GRIP1: variants seen among roughly 807,000 people sequenced by gnomAD.
The protein encoded by GRIP1 is glutamate receptor-interacting protein 1.
Under a neutral mutation model 129.9 loss-of-function variants are expected in GRIP1, and 45 were observed. That is an observed-to-expected ratio of 0.35 (90% CI 0.27 to 0.44). The LOEUF (loss-of-function observed/expected upper bound fraction) is 0.44. Among genes scored for constraint, GRIP1 ranks in the 20% least tolerant of loss-of-function variants. The pLI is 1.00. For synonymous variants in GRIP1, 530 were observed against 520.8 expected, an observed-to-expected ratio of 1.02 and a Z score of -0.24; for missense variants, 1,196 against 1,396.8, an observed-to-expected ratio of 0.86 and a Z score of 2.29.
chr12:66,355,391 T>A (rs1246181758), intron 23 of GRIP1, among the ~76,000 whole-genome samples: 1 of 152,178 alleles, frequency 6.6e-6, no homozygotes, highest in Non-Finnish European at 1.5e-5. Context: ...CTTATAACGA[T>A]TCCGTAAGAT....
intron 9 of GRIP1, 124 bp from the exon 10 acceptor site, chr12:66,456,466 A>G: frequency 2.3e-6 from 1 of 437,442 alleles, no homozygotes; most frequent in South Asian, 2.0e-5. Context: ...CTGCTTGCAA[A>G]TAAAAACAAA....
chr12:66,893,498 A>C (rs2040696125), intron 1 of GRIP1, among the ~76,000 whole-genome samples: 1 of 152,158 alleles, frequency 6.6e-6, no homozygotes, highest in South Asian at 2.1e-4. Flanking sequence ...TTGGCCTCCC[A>C]AAGTGCTGGG....
intron 1 of GRIP1, among the ~76,000 whole-genome samples, chr12:66,605,348 A>G (rs1224501425): frequency 6.6e-6 from 1 of 152,194 alleles, no homozygotes; most frequent in Non-Finnish European, 1.5e-5. Context: ...TTTCTGTTAA[A>G]TCAGGGCTCT....
At chr12:66,541,694 G>A in intron 3 of GRIP1, 121 bp downstream of exon 3, 1 of 1,038,816 alleles carries the variant, frequency 9.6e-7, no homozygotes, top group South Asian at 1.3e-5. Context: ...CTGCTGGCCT[G>A]TGCTGCCTGG....
intron 2 of GRIP1, among the ~76,000 whole-genome samples, chr12:66,562,889 T>TAAAG (rs10630014): frequency 0.73 from 109,965 of 151,568 alleles, 40,530 homozygotes; most frequent in African/African-American, 0.86. Context: ...ATTCTTATAA[T>TAAAG]AAAAGAGAAT....
intron 11 of GRIP1, among the ~76,000 whole-genome samples, chr12:66,454,336 T>C (rs2058891062): frequency 6.6e-6 from 1 of 152,220 alleles, no homozygotes; most frequent in Non-Finnish European, 1.5e-5. Flanking sequence ...AACTTAAGGA[T>C]GTTCCTTATT....
chr12:66,854,541 T>C lies in GRIP1; in HGVS notation c.58+214509A>G, dbSNP rs374688126. Among the ~76,000 whole-genome samples, 11 of 152,040 alleles carry C rather than the reference T, an allele frequency of 7.2e-5. 1 individual carries two copies. Among genetic ancestry groups the C allele is most frequent in the African/African-American group, 2.2e-4 (9 of 41,420 alleles). ...GCAGCTATTATATGCCAGGTTCTTATAATCTCATTGAATCCTCACAATAAT... is the reference window on the plus strand; with the variant it reads ...GCAGCTATTATATGCCAGGTTCTTACAATCTCATTGAATCCTCACAATAAT... On this transcript the variant is annotated intron_variant, in intron 1 of 1. Transcript: ENST00000643019.
At chr12:67,021,305 C>T (rs2042863390) in intron 1 of GRIP1, among the ~76,000 whole-genome samples, 2 of 151,976 alleles carry the variant, frequency 1.3e-5, no homozygotes. Flanking sequence ...TCTTCCTGTC[C>T]CCCAACAACA....
chr12:66,425,635 T>C (rs1421591664), intron 14 of GRIP1, among the ~76,000 whole-genome samples: 1 of 152,180 alleles, frequency 6.6e-6, no homozygotes, highest in Non-Finnish European at 1.5e-5. Flanking sequence ...TGGAATACTA[T>C]GCAGCCATAA....
intron 1 of GRIP1, among the ~76,000 whole-genome samples, chr12:66,924,925 G>A (rs567990231): frequency 2.0e-5 from 3 of 152,290 alleles, no homozygotes; most frequent in South Asian, 2.1e-4. Context: ...AGCCGAGATC[G>A]TGCCGCTGCA....
intron 1 of GRIP1, among the ~76,000 whole-genome samples, chr12:66,674,046 G>A (rs571522523): frequency 1.5e-4 from 23 of 152,296 alleles, no homozygotes; most frequent in African/African-American, 5.1e-4. Flanking sequence ...GAAAGTTAAC[G>A]AGGTGGAGGA....
At chr12:66,742,415 CA>C (rs892835728) in intron 1 of GRIP1, among the ~76,000 whole-genome samples, 2 of 152,162 alleles carry the variant, frequency 1.3e-5, no homozygotes, top group Non-Finnish European at 2.9e-5. Context: ...ATGCCACCCA[CA>C]AGGGCATCCT....
intron 1 of GRIP1, among the ~76,000 whole-genome samples, chr12:66,716,586 G>A (rs1031210363): frequency 6.6e-6 from 1 of 151,438 alleles, no homozygotes; most frequent in South Asian, 2.1e-4. Flanking sequence ...ACACATGCAG[G>A]TTTCTTATCC....
At chr12:66,352,928 C>G (rs2054305547) in intron 24 of GRIP1, among the ~76,000 whole-genome samples, 1 of 151,916 alleles carries the variant, frequency 6.6e-6, no homozygotes, top group Non-Finnish European at 1.5e-5. Context: ...TCACGCCACT[C>G]CACTCCAGTG....
In GRIP1 at chr12:66,443,204, G is replaced by T. The variant is rs562185126; in HGVS notation, c.1687+1380C>A. 3.4e-3 allele frequency among the ~76,000 whole-genome samples: 521 copies of T among 152,294 alleles called. 6 individuals are homozygous for T. The highest frequency in any genetic ancestry group is 0.012 in the African/African-American group (481 of 41,572). ...TTTGGCTCCCTGGAGCCCTCTTCTT[G>T]ATTATGCCTTGTTTTTGGGCTGGGA... On this transcript the variant is annotated intron_variant, in intron 13 of 24. Transcript: ENST00000359742.
At chr12:66,510,059 T>A (rs2060651892) in intron 7 of GRIP1, among the ~76,000 whole-genome samples, 1 of 152,202 alleles carries the variant, frequency 6.6e-6, no homozygotes, top group Admixed American at 6.5e-5. Flanking sequence ...AGTTCAACCA[T>A]ATTGAAGTGG....
intron 1 of GRIP1, among the ~76,000 whole-genome samples, chr12:66,979,058 A>G (rs919734367): frequency 2.0e-5 from 3 of 151,970 alleles, no homozygotes; most frequent in Non-Finnish European, 4.4e-5. Context: ...CCCCCAGGAT[A>G]TATGATTTAC....
intron 1 of GRIP1, among the ~76,000 whole-genome samples, chr12:66,956,632 G>A (rs139629130): frequency 6.6e-6 from 1 of 152,244 alleles, no homozygotes; most frequent in Admixed American, 6.5e-5. Flanking sequence ...AAGATACATT[G>A]AGGCTATGTA....
intron 15 of GRIP1, among the ~76,000 whole-genome samples, chr12:66,418,119 C>A (rs547131951): frequency 6.6e-6 from 1 of 152,082 alleles, no homozygotes. Flanking sequence ...AATAGAGAAC[C>A]CAGAAACAAA....
Sources: gnomAD v4.1 joint callset for allele counts (sites outside exome capture counted in the v4.1 genomes callset) on GRCh38, gnomAD v4.1.1 for gene constraint, MANE v1.5 for transcripts, NCBI Gene and HGNC (gene_info 2026-07-23, HGNC 2026-07-21) for gene names.